Variants in L3MBTL4 observed in about 807,000 individuals in gnomAD.
L3MBTL4 encodes L3MBTL histone methyl-lysine binding protein 4, also known as lethal(3)malignant brain tumor-like protein 4.
Under a neutral mutation model 84.5 loss-of-function variants are expected in L3MBTL4, and 70 were observed. That is an observed-to-expected ratio of 0.83 (90% CI 0.68 to 1.01). The LOEUF is 1.01. L3MBTL4 is among the 50% of genes least tolerant of loss of function. The probability of loss-of-function intolerance (pLI) is 0.00; values close to 1 mark genes in which losing one functional copy is unlikely to be tolerated. For synonymous variants in L3MBTL4, 274 were observed against 259.8 expected (o/e 1.05, Z -0.52); for missense variants, 715 against 754.8 (o/e 0.95, Z 0.62).
chr18:6,368,002 A>T (rs551662064), intron 1 of L3MBTL4, among the ~76,000 whole-genome samples: 1 of 152,322 alleles, frequency 6.6e-6, no homozygotes, highest in Non-Finnish European at 1.5e-5. Context: ...TGGAAGGAAG[A>T]TGTGGCTGAA....
intron 1 of L3MBTL4, among the ~76,000 whole-genome samples, chr18:6,387,409 A>C (rs2054869315): frequency 6.6e-6 from 1 of 152,214 alleles, no homozygotes; most frequent in African/African-American, 2.4e-5. Flanking sequence ...TATATTTACT[A>C]GTTCTATTTA....
intron 5 of L3MBTL4, among the ~76,000 whole-genome samples, chr18:6,256,563 CT>C (rs1262531151): frequency 6.6e-6 from 1 of 150,898 alleles, no homozygotes; most frequent in Non-Finnish European, 1.5e-5. Flanking sequence ...ATAATAATAG[CT>C]ATGAAGAGGG....
intron 1 of L3MBTL4, among the ~76,000 whole-genome samples, chr18:6,337,216 C>A (rs768602854): frequency 3.9e-5 from 6 of 152,098 alleles, no homozygotes; most frequent in Admixed American, 3.9e-4. Context: ...AATGAATCGA[C>A]CTTTGAAGAG....
chr18:6,277,729 T>C (rs1222122037), intron 4 of L3MBTL4, among the ~76,000 whole-genome samples: 1 of 152,162 alleles, frequency 6.6e-6, no homozygotes, highest in Non-Finnish European at 1.5e-5. Context: ...TTACTCTAAA[T>C]ATTTTATATT....
rs139300223 is a variant in L3MBTL4, at chr18:6,058,083, A to G, written c.1444+22798T>C. ...GTTCTCAGTAATGAATTTCAGTTGA[A>G]CTGAAACAGATTGTCCAATGATACG... On this transcript the variant is annotated intron_variant, in intron 16 of 18. Transcript: ENST00000317931. Among the ~76,000 whole-genome samples, 512 of 152,368 alleles carry G rather than the reference A, an allele frequency of 3.4e-3. 5 individuals are homozygous for G. Among genetic ancestry groups the G allele is most frequent in the African/African-American group, 0.012 (502 of 41,594 alleles).
chr18:6,263,115 C>T (rs957761315), intron 5 of L3MBTL4, among the ~76,000 whole-genome samples: 8 of 151,810 alleles, frequency 5.3e-5, no homozygotes, highest in Non-Finnish European at 7.4e-5. Context: ...TCTACTAATA[C>T]AAAAATTAGC....
intron 17 of L3MBTL4, among the ~76,000 whole-genome samples, chr18:5,963,786 A>C (rs1246570057): frequency 6.6e-6 from 1 of 152,262 alleles, no homozygotes; most frequent in African/African-American, 2.4e-5. Flanking sequence ...TTTAGCATAG[A>C]ATAGAGTAAT....
intron 17 of L3MBTL4, 93 bp from the exon 18 acceptor site, chr18:5,960,249 AATCTCTCAAAC>A: frequency 1.6e-6 from 1 of 627,778 alleles, no homozygotes; most frequent in Non-Finnish European, 2.7e-6. Context: ...ATATACTTAA[AATCTCTCAAAC>A]TCTTGGGAAT....
chr18:6,182,124 T>C (rs2044501668), intron 12 of L3MBTL4, among the ~76,000 whole-genome samples: 1 of 152,234 alleles, frequency 6.6e-6, no homozygotes, highest in Admixed American at 6.5e-5. Context: ...CAGCAGTGTA[T>C]AAGCATTCCC....
At chr18:6,123,073 T>C (rs901589093) in intron 14 of L3MBTL4, among the ~76,000 whole-genome samples, 1 of 152,236 alleles carries the variant, frequency 6.6e-6, no homozygotes, top group Non-Finnish European at 1.5e-5. Flanking sequence ...TCATTAATCT[T>C]GATTCTTGAG....
At chr18:6,339,280 A>G (rs2052493851) in intron 1 of L3MBTL4, among the ~76,000 whole-genome samples, 1 of 152,206 alleles carries the variant, frequency 6.6e-6, no homozygotes, top group Non-Finnish European at 1.5e-5. Flanking sequence ...AAAAAGTTTA[A>G]TTATAGTCAC....
chr18:6,254,310 C>G (rs181347685), intron 5 of L3MBTL4, among the ~76,000 whole-genome samples: 279 of 152,070 alleles, frequency 1.8e-3, no homozygotes, highest in African/African-American at 6.5e-3. Flanking sequence ...CATTTGGAAG[C>G]CTTCAGTAAG....
At chr18:6,004,750 G>A (rs969921618) in intron 16 of L3MBTL4, among the ~76,000 whole-genome samples, 1 of 152,112 alleles carries the variant, frequency 6.6e-6, no homozygotes, top group Non-Finnish European at 1.5e-5. Flanking sequence ...GAACACAAAA[G>A]GACAAATATT....
At chr18:6,124,867 C>T (rs9944621) in intron 14 of L3MBTL4, among the ~76,000 whole-genome samples, 2,325 of 151,506 alleles carry the variant, frequency 0.015, 65 homozygotes, top group African/African-American at 0.054. Flanking sequence ...TTTCTTTCCA[C>T]GAATTGATCT....
At chr18:6,119,691 T>G (rs2059467375) in intron 14 of L3MBTL4, among the ~76,000 whole-genome samples, 1 of 152,174 alleles carries the variant, frequency 6.6e-6, no homozygotes, top group Non-Finnish European at 1.5e-5. Flanking sequence ...GGCTCTCTCA[T>G]GTATGTGGAG....
chr18:6,000,343 C>T (rs1292511928), intron 16 of L3MBTL4, among the ~76,000 whole-genome samples: 2 of 151,922 alleles, frequency 1.3e-5, no homozygotes, highest in Admixed American at 1.3e-4. Context: ...GAGGAAGAGA[C>T]AGCAAGTCAA....
intron 14 of L3MBTL4, among the ~76,000 whole-genome samples, chr18:6,105,958 A>G (rs1274417563): frequency 5.9e-5 from 9 of 152,178 alleles, no homozygotes; most frequent in Admixed American, 3.9e-4. Flanking sequence ...AAGAGCAACA[A>G]CAGGTCATAG....
At chr18:6,123,022 T>A (rs553535385) in intron 14 of L3MBTL4, among the ~76,000 whole-genome samples, 1 of 152,294 alleles carries the variant, frequency 6.6e-6, no homozygotes, top group African/African-American at 2.4e-5. Flanking sequence ...ATTAAAAGAT[T>A]ATATTTTCTT....
chr18:6,001,289 G>T (rs1013750037), intron 16 of L3MBTL4, among the ~76,000 whole-genome samples: 4 of 152,196 alleles, frequency 2.6e-5, no homozygotes, highest in Admixed American at 1.3e-4. Context: ...TTCCCCTTCT[G>T]GGGAGCCAAA....
Sources: gnomAD v4.1 joint callset for allele counts (sites outside exome capture counted in the v4.1 genomes callset) on GRCh38, gnomAD v4.1.1 for gene constraint, MANE v1.5 for transcripts, NCBI Gene and HGNC (gene_info 2026-07-23, HGNC 2026-07-21) for gene names.